ZZEF1: variants seen among roughly 807,000 people sequenced by gnomAD.
ZZEF1 encodes the protein zinc finger ZZ-type and EF-hand domain containing 1, also known as zinc finger ZZ-type and EF-hand domain-containing protein 1.
A neutral mutation model predicts 342.8 loss-of-function variants in ZZEF1; 157 were observed. The ratio of observed to expected loss-of-function variants is 0.46; its 90% confidence interval spans 0.40 to 0.52. ZZEF1 has a LOEUF of 0.52. ZZEF1 is among the 20% of genes least tolerant of loss of function. ZZEF1 has a pLI of 0.00. For missense variants in ZZEF1, 3,480 were observed against 3,725.6 expected, an observed-to-expected ratio of 0.93 and a Z score of 1.72; for synonymous variants, 1,505 against 1,429.1, an observed-to-expected ratio of 1.05 and a Z score of -1.20.
intron 8 of ZZEF1, among the ~76,000 whole-genome samples, chr17:4,103,830 G>A (rs1597896879): frequency 6.6e-6 from 1 of 152,188 alleles, no homozygotes; most frequent in East Asian, 1.9e-4. Context: ...TGACACAGGA[G>A]GATCACTTGA....
intron 30 of ZZEF1, among the ~76,000 whole-genome samples, chr17:4,060,249 T>C (rs2057255116): frequency 1.3e-5 from 2 of 152,240 alleles, no homozygotes; most frequent in African/African-American, 4.8e-5. Flanking sequence ...TAGACTGGCT[T>C]TCTCAATTTT....
intron 9 of ZZEF1, among the ~76,000 whole-genome samples, chr17:4,101,191 C>A (rs575056411): frequency 6.6e-6 from 1 of 152,202 alleles, no homozygotes; most frequent in Admixed American, 6.5e-5. Context: ...GGAGGTGCAG[C>A]TGGGAAAAGC....
intron 37 of ZZEF1, among the ~76,000 whole-genome samples, 198 bp from the exon 38 acceptor site, chr17:4,044,572 G>A (rs1292987010): frequency 6.6e-6 from 1 of 152,006 alleles, no homozygotes; most frequent in South Asian, 2.1e-4. Flanking sequence ...AGGCTAGAGT[G>A]CAGTGGTGTG....
rs1364264929 is a variant in ZZEF1, at chr17:4,081,356, G to C, written c.2829+20C>G. 7.5e-6 allele frequency: 12 copies of C among 1,604,082 alleles called. No individual in the cohort carries two copies. Among genetic ancestry groups the C allele is most frequent in the Non-Finnish European group, 8.5e-6 (10 of 1,172,692 alleles). On this transcript the variant is annotated intron_variant, in intron 18 of 54. Coordinates refer to ENST00000381638, the MANE Select transcript of ZZEF1 (RefSeq NM_015113.4). ...CCACAAGCATGAGACAAAGAAAACA[G>C]GGAGGCAGCCACTGGATACCTCTCG... is the stretch of plus-strand genomic sequence containing the variant.
At chr17:4,132,567 AGG>A (rs1567870178) in intron 1 of ZZEF1, among the ~76,000 whole-genome samples, 11 of 147,614 alleles carry the variant, frequency 7.5e-5, no homozygotes, top group African/African-American at 1.5e-4. Context: ...GCTTGGTGGC[AGG>A]CGCCTGTAAT....
chr17:4,012,876 T>C (rs1406360314), intron 52 of ZZEF1, among the ~76,000 whole-genome samples: 1 of 152,128 alleles, frequency 6.6e-6, no homozygotes, highest in Non-Finnish European at 1.5e-5. Context: ...AAACATTAAA[T>C]ACCTAGTAAT....
In ZZEF1 at chr17:4,076,059, A is replaced by C. The variant is rs552518385; in HGVS notation, c.3234+578T>G. ...CTTCTAGACTTCAATTTTGTCACTCACTTACATGGTTTTTATATAACTTCA... is the reference window on the plus strand; with the variant it reads ...CTTCTAGACTTCAATTTTGTCACTCCCTTACATGGTTTTTATATAACTTCA... On this transcript the variant is annotated intron_variant, in intron 21 of 54. Transcript: ENST00000381638. 5.3e-5 allele frequency: 8 copies of C among 152,054 alleles called. No individual in the cohort carries two copies. The East Asian group carries it at 1.4e-3, about 26-fold the overall frequency. The allele number at this position is 152,054 out of a possible 1,614,324, so 9.4% of individuals were successfully genotyped here.
chr17:4,011,712 T>C (rs549044618), intron 52 of ZZEF1, among the ~76,000 whole-genome samples: 1 of 152,050 alleles, frequency 6.6e-6, no homozygotes, highest in East Asian at 1.9e-4. Flanking sequence ...TTAAAAAAAA[T>C]TGCTTTTTCT....
intron 43 of ZZEF1, among the ~76,000 whole-genome samples, chr17:4,023,410 C>T (rs2056320911): frequency 6.6e-6 from 1 of 152,134 alleles, no homozygotes; most frequent in Non-Finnish European, 1.5e-5. Context: ...CAAATATTTG[C>T]TGAATGAAGG....
At chr17:4,110,172 G>T (rs2058273652) in intron 5 of ZZEF1, among the ~76,000 whole-genome samples, 1 of 152,212 alleles carries the variant, frequency 6.6e-6, no homozygotes, top group South Asian at 2.1e-4. Context: ...AAACAAGCCT[G>T]TCTGAATACA....
chr17:4,077,865 T>C lies in ZZEF1; in HGVS notation c.2989+18A>G, dbSNP rs369419707. 1.9e-6 allele frequency: 3 copies of C among 1,611,408 alleles called. No homozygotes were observed. Among genetic ancestry groups the C allele is most frequent in the Non-Finnish European group, 2.5e-6 (3 of 1,178,524 alleles). ...CCCAAACGCCATCTGTTTTCATGGA[T>C]TTTATATTGAAACTCACATTTTTCA... On this transcript the variant is annotated intron_variant, in intron 19 of 54. Coordinates refer to ENST00000381638, the MANE Select transcript of ZZEF1 (RefSeq NM_015113.4).
rs1156803580 is a variant in ZZEF1, at chr17:4,087,554, A to G, written c.2242-20T>C. On this transcript the variant is annotated intron_variant, in intron 13 of 54. Transcript: ENST00000381638. ...CTGCACCTAAAAAATTATAAAGATC[A>G]GAATAAATAAAACTGAAAAATGCAT... 2 of 1,579,200 alleles carry G rather than the reference A, an allele frequency of 1.3e-6. No individual in the cohort carries two copies. Among genetic ancestry groups the G allele is most frequent in the South Asian group, 2.4e-5 (2 of 84,786 alleles).
intron 1 of ZZEF1, among the ~76,000 whole-genome samples, chr17:4,128,345 TAAAAA>T (rs74340131): frequency 1.2e-5 from 1 of 81,552 alleles, no homozygotes; most frequent in African/African-American, 5.0e-5. Context: ...CAGACTGTCT[TAAAAA>T]AAAAAAAAAA....
intron 51 of ZZEF1, 128 bp downstream of exon 51, chr17:4,013,962 A>G: frequency 1.1e-6 from 1 of 902,154 alleles, no homozygotes; most frequent in Non-Finnish European, 1.7e-6. Context: ...CTTGTGAGAC[A>G]AATTTGGAAA....
intron 29 of ZZEF1, among the ~76,000 whole-genome samples, chr17:4,063,693 C>A (rs904899057): frequency 2.0e-5 from 3 of 151,202 alleles, no homozygotes; most frequent in Non-Finnish European, 4.4e-5. Context: ...TCCCAGGTAG[C>A]TGGGACTACG....
chr17:4,115,856 A>G (rs1175938055), intron 3 of ZZEF1, among the ~76,000 whole-genome samples: 1 of 152,184 alleles, frequency 6.6e-6, no homozygotes, highest in African/African-American at 2.4e-5. Context: ...ATTTTCATAC[A>G]GACTAATTTA....
At chr17:4,009,291 A>T (rs1315392788) in intron 53 of ZZEF1, 17 of 559,252 alleles carry the variant, frequency 3.0e-5, no homozygotes. Flanking sequence ...TGAGGGGAGG[A>T]AAAAAAGAGA....
At chr17:4,104,167 C>T (rs2058172359) in intron 8 of ZZEF1, among the ~76,000 whole-genome samples, 1 of 152,124 alleles carries the variant, frequency 6.6e-6, no homozygotes, top group Admixed American at 6.6e-5. Flanking sequence ...GACAGGTGTC[C>T]AAATCCTTCA....
intron 27 of ZZEF1, 138 bp downstream of exon 27, chr17:4,067,025 T>A: frequency 3.0e-6 from 2 of 660,938 alleles, no homozygotes; most frequent in Non-Finnish European, 2.5e-6. Context: ...TTGTTTTATA[T>A]CTATTCATGT....
Sources: gnomAD v4.1 joint callset for allele counts (sites outside exome capture counted in the v4.1 genomes callset) on GRCh38, gnomAD v4.1.1 for gene constraint, MANE v1.5 for transcripts, NCBI Gene and HGNC (gene_info 2026-07-23, HGNC 2026-07-21) for gene names.